DHX35: variants seen among roughly 807,000 people sequenced by gnomAD.
DHX35 encodes the protein probable ATP-dependent RNA helicase DHX35.
DHX35 carries 84 observed loss-of-function variants against 99.6 expected under a neutral mutation model. The ratio of observed to expected loss-of-function variants is 0.84; its 90% confidence interval spans 0.71 to 1.01. DHX35 has a LOEUF of 1.01. Ranked by LOEUF, DHX35 falls within the 50% of genes least tolerant of loss-of-function variation. The probability of loss-of-function intolerance (pLI) is 0.00; values close to 1 mark genes in which losing one functional copy is unlikely to be tolerated. For missense variants in DHX35, 852 were observed against 888.5 expected (o/e 0.96, Z 0.52); for synonymous variants, 331 against 316.2 (o/e 1.05, Z -0.50).
intron 3 of DHX35, 28 bp from the exon 4 acceptor site, chr20:38,983,671 G>A (rs781593043): frequency 3.1e-6 from 5 of 1,604,830 alleles, no homozygotes; most frequent in East Asian, 4.5e-5. Context: ...GGTATCATAT[G>A]TATACTTAGA....
rs570695132 is a variant in DHX35 at position 39,032,767 on chromosome 20, G to A, written c.1956-1439G>A. ...AGGGCCTAGGACTCCATTTTAACAAGCCCTCCAGATGTTTCTTTTGGGCAG... is the reference window on the plus strand; with the variant it reads ...AGGGCCTAGGACTCCATTTTAACAAACCCTCCAGATGTTTCTTTTGGGCAG... On this transcript the variant is annotated intron_variant, in intron 20 of 21. Transcript: ENST00000252011. 2.5e-4 allele frequency among the ~76,000 whole-genome samples: 38 copies of A among 152,248 alleles called. No homozygotes were observed. In the South Asian group the frequency reaches 7.9e-3, roughly 32 times the overall value.
chr20:39,007,591 G>A (rs147768160), intron 12 of DHX35, among the ~76,000 whole-genome samples: 104 of 152,288 alleles, frequency 6.8e-4, no homozygotes, highest in Non-Finnish European at 1.2e-3. Flanking sequence ...TCACAACCAG[G>A]GTGTTGTTTG....
chr20:39,018,699 A>G (rs918468914), intron 14 of DHX35, 105 bp from the exon 15 acceptor site: 3 of 1,108,524 alleles, frequency 2.7e-6, no homozygotes, highest in Non-Finnish European at 4.0e-6. Context: ...TCTTTTGGAT[A>G]CTTTCTTCTT....
chr20:38,973,437 C>T (rs1429414456), intron 3 of DHX35, among the ~76,000 whole-genome samples: 1 of 152,198 alleles, frequency 6.6e-6, no homozygotes, highest in African/African-American at 2.4e-5. Flanking sequence ...ATTACCAAAA[C>T]CTCAAGAACT....
chr20:39,023,132 T>C (rs1206351194), intron 16 of DHX35, among the ~76,000 whole-genome samples: 1 of 152,222 alleles, frequency 6.6e-6, no homozygotes, highest in Non-Finnish European at 1.5e-5. Flanking sequence ...TTTTATCAAA[T>C]TTCTTTGCCA....
chr20:38,997,799 A>C (rs534027504), intron 8 of DHX35, among the ~76,000 whole-genome samples: 11 of 152,324 alleles, frequency 7.2e-5, no homozygotes, highest in African/African-American at 2.6e-4. Flanking sequence ...AGTGGGCGAA[A>C]GAGGGCAAGA....
rs372281511 is a variant in DHX35 at position 39,015,645 on chromosome 20, T to C, written c.1402+711T>C. 3.3e-5 allele frequency among the ~76,000 whole-genome samples: 5 copies of C among 152,292 alleles called. No individual in the cohort carries two copies. In the East Asian group the frequency reaches 7.7e-4, roughly 24 times the overall value. On this transcript the variant is annotated intron_variant, in intron 14 of 21. Transcript: ENST00000252011. ...TTAGTGGAGATTTTGCTTTTTGAGA[T>C]TTATTTTGAGTGTTACTTTTTTTTT...
At chr20:38,972,093 C>A (rs1457875873) in intron 2 of DHX35, among the ~76,000 whole-genome samples, 2 of 150,294 alleles carry the variant, frequency 1.3e-5, no homozygotes, top group Admixed American at 1.3e-4. Flanking sequence ...ACTGCAGCCT[C>A]CCCCCGCCTG....
At position 39,021,867 on chromosome 20, in the gene DHX35, C is replaced by G. The variant is rs751929366; in HGVS notation, c.1525C>G (p.Leu509Val). Residue 509 changes from leucine (L) to valine (V), a missense_variant, in exon 16 of 22, where the codon CTA becomes GTA. Coordinates refer to ENST00000252011, the MANE Select transcript of DHX35 (RefSeq NM_021931.4). ...AAACTTCGGCTGTTCTCAGGAAATT[C>G]TAAGCATCGCTGCCATGATGCAGAT... ...SGNFGCSQEI[L>V]SIAAMMQIQN... 5 of 1,614,160 alleles carry G rather than the reference C, an allele frequency of 3.1e-6. No homozygotes were observed. Among genetic ancestry groups the G allele is most frequent in the African/African-American group, 1.3e-5 (1 of 75,046 alleles).
At chr20:38,974,570 A>G (rs2145842037) in intron 3 of DHX35, among the ~76,000 whole-genome samples, 1 of 152,308 alleles carries the variant, frequency 6.6e-6, no homozygotes, top group South Asian at 2.1e-4. Flanking sequence ...ATTTTTTCCT[A>G]TATTATTGAT....
chr20:38,995,267 G>A (rs1023424292), intron 8 of DHX35, among the ~76,000 whole-genome samples: 1 of 152,196 alleles, frequency 6.6e-6, no homozygotes, highest in East Asian at 1.9e-4. Context: ...GCTCACACCT[G>A]TAATCCCAGC....
At chr20:38,981,409 CATAG>C (rs1288905966) in intron 3 of DHX35, among the ~76,000 whole-genome samples, 1 of 152,124 alleles carries the variant, frequency 6.6e-6, no homozygotes, top group Non-Finnish European at 1.5e-5. Flanking sequence ...AATATGGATT[CATAG>C]ATACTTATTT....
At chr20:39,034,543 A>G (rs2087114261) in intron 21 of DHX35, among the ~76,000 whole-genome samples, 2 of 152,178 alleles carry the variant, frequency 1.3e-5, no homozygotes, top group Admixed American at 1.3e-4. Flanking sequence ...ATAAGAAAAA[A>G]AAGGTATCGC....
chr20:39,014,788 G>T, intron 13 of DHX35, 92 bp from the exon 14 acceptor site: 3 of 1,474,600 alleles, frequency 2.0e-6, no homozygotes, highest in Non-Finnish European at 1.9e-6. Context: ...GGGCATGTTA[G>T]AGGGGAGAAT....
At chr20:39,025,418 C>T (rs1020230193) in intron 18 of DHX35, 59 bp downstream of exon 18, 2 of 1,587,856 alleles carry the variant, frequency 1.3e-6, no homozygotes, top group African/African-American at 1.3e-5. Flanking sequence ...GAGTTGTCTT[C>T]CTAAAGTTCT....
chr20:39,002,096 G>A (rs1389230549), intron 9 of DHX35, among the ~76,000 whole-genome samples: 7 of 152,336 alleles, frequency 4.6e-5, no homozygotes, highest in African/African-American at 1.7e-4. Context: ...GTGGTGAAAG[G>A]TTTTGGGGAG....
At chr20:39,005,572 T>C (rs2086602353) in intron 11 of DHX35, among the ~76,000 whole-genome samples, 1 of 152,240 alleles carries the variant, frequency 6.6e-6, no homozygotes, top group Admixed American at 6.5e-5. Context: ...ATATTTTCTT[T>C]ATAGTATTTG....
intron 2 of DHX35, among the ~76,000 whole-genome samples, chr20:38,970,319 CT>C (rs1407227635): frequency 6.6e-6 from 1 of 152,162 alleles, no homozygotes; most frequent in Non-Finnish European, 1.5e-5. Context: ...CAACAGCAGC[CT>C]TCTTAATTTA....
chr20:38,995,715 C>G (rs1049969443), intron 8 of DHX35, among the ~76,000 whole-genome samples: 1 of 152,182 alleles, frequency 6.6e-6, no homozygotes, highest in African/African-American at 2.4e-5. Flanking sequence ...GTTCAAAGTT[C>G]TGAGGCAGCT....
Sources: gnomAD v4.1 joint callset for allele counts (sites outside exome capture counted in the v4.1 genomes callset) on GRCh38, gnomAD v4.1.1 for gene constraint, MANE v1.5 for transcripts, NCBI Gene and HGNC (gene_info 2026-07-23, HGNC 2026-07-21) for gene names.